TDRD3: variants seen among roughly 807,000 people sequenced by gnomAD.
TDRD3 encodes the protein tudor domain-containing protein 3.
In TDRD3, 45 loss-of-function variants were observed where a neutral mutation model predicts 86.7. That is an observed-to-expected ratio of 0.52 (90% confidence interval 0.41 to 0.67). TDRD3 has a LOEUF of 0.67. TDRD3 is among the 30% of genes least tolerant of loss of function. The probability of loss-of-function intolerance (pLI) is 0.00; values close to 1 mark genes in which losing one functional copy is unlikely to be tolerated. For missense variants in TDRD3, 814 were observed against 889.0 expected (o/e 0.92, Z 1.07); for synonymous variants, 298 against 301.7 (o/e 0.99, Z 0.13).
At chr13:60,573,547 A>G (rs1671031744) in intron 13 of TDRD3, 69 bp from the exon 14 acceptor site, 1 of 918,874 alleles carries the variant, frequency 1.1e-6, no homozygotes, top group Non-Finnish European at 1.3e-6. Context: ...GCAGAAATGT[A>G]TCTTGACAAA....
intron 2 of TDRD3, among the ~76,000 whole-genome samples, chr13:60,443,118 AAG>A (rs749289501): frequency 1.6e-4 from 25 of 152,018 alleles, no homozygotes; most frequent in Non-Finnish European, 2.5e-4. Flanking sequence ...TGATTAAAAA[AAG>A]TACATGTTTT....
intron 12 of TDRD3, among the ~76,000 whole-genome samples, chr13:60,539,015 C>G (rs1957756493): frequency 6.6e-6 from 1 of 152,122 alleles, no homozygotes; most frequent in African/African-American, 2.4e-5. Flanking sequence ...CATTGTTCAG[C>G]TATTATTTCA....
chr13:60,513,237 G>A (rs1324179189), intron 10 of TDRD3, among the ~76,000 whole-genome samples: 1 of 152,142 alleles, frequency 6.6e-6, no homozygotes, highest in Non-Finnish European at 1.5e-5. Flanking sequence ...TGGGATGCAG[G>A]GCACCAAGTC....
At chr13:60,424,726 C>T (rs1384859989) in intron 1 of TDRD3, among the ~76,000 whole-genome samples, 1 of 152,152 alleles carries the variant, frequency 6.6e-6, no homozygotes, top group African/African-American at 2.4e-5. Flanking sequence ...TTCGTATATT[C>T]ACAGAGATTT....
chr13:60,535,915 G>T (rs1957689404), intron 12 of TDRD3: 1 of 152,098 alleles, frequency 6.6e-6, no homozygotes, highest in Non-Finnish European at 1.5e-5. Context: ...AGACATATTA[G>T]AATTAGCTCT....
chr13:60,553,868 C>G (rs1355472543), intron 12 of TDRD3, among the ~76,000 whole-genome samples: 1 of 152,030 alleles, frequency 6.6e-6, no homozygotes, highest in East Asian at 1.9e-4. Flanking sequence ...CACAATGTTA[C>G]TAATATAATG....
chr13:60,481,349 G>GTTT (rs796837758), intron 5 of TDRD3, among the ~76,000 whole-genome samples: 20 of 137,360 alleles, frequency 1.5e-4, no homozygotes, highest in South Asian at 2.2e-4. Flanking sequence ...CCCTCTTTGT[G>GTTT]TTTTTTTTTT....
At chr13:60,465,787 A>C (rs1262803147) in intron 4 of TDRD3, among the ~76,000 whole-genome samples, 3 of 152,166 alleles carry the variant, frequency 2.0e-5, no homozygotes, top group African/African-American at 7.2e-5. Context: ...ATGAGGTTTT[A>C]AGATGTGAAC....
At chr13:60,452,170 G>GTA (rs1386935572) in intron 3 of TDRD3, among the ~76,000 whole-genome samples, 1 of 152,040 alleles carries the variant, frequency 6.6e-6, no homozygotes, top group Non-Finnish European at 1.5e-5. Context: ...ACAACCCTGG[G>GTA]TATATCTCTT....
intron 1 of TDRD3, among the ~76,000 whole-genome samples, chr13:60,427,532 A>T (rs773344732): frequency 3.9e-5 from 6 of 152,096 alleles, no homozygotes; most frequent in Non-Finnish European, 8.8e-5. Flanking sequence ...TTTGGAGGTC[A>T]GTCAGGTGTA....
intron 12 of TDRD3, among the ~76,000 whole-genome samples, chr13:60,553,726 C>T (rs1595110893): frequency 6.6e-6 from 1 of 152,030 alleles, no homozygotes; most frequent in Non-Finnish European, 1.5e-5. Context: ...TGAGAACTCA[C>T]TCACTATCAC....
intron 1 of TDRD3, among the ~76,000 whole-genome samples, chr13:60,399,803 T>C (rs1206450776): frequency 6.6e-6 from 1 of 152,232 alleles, no homozygotes; most frequent in African/African-American, 2.4e-5. Flanking sequence ...TCACCTAAAA[T>C]AGCAGATTAG....
chr13:60,572,419 T>A lies in TDRD3; in HGVS notation c.*10-1197T>A, dbSNP rs1958607292. Among the ~76,000 whole-genome samples, 3 of 152,200 alleles carry A rather than the reference T, an allele frequency of 2.0e-5. No individual in the cohort carries two copies. The South Asian group carries it at 6.2e-4, about 31-fold the overall frequency. On this transcript the variant is annotated intron_variant, in intron 13 of 13. Coordinates refer to ENST00000377881, the MANE Select transcript of TDRD3 (RefSeq NM_001146070.2). ...AATTAAGCTTAGGAAATATTGCAGC[T>A]GGATGTAGGATGGATTATAGCACCA...
At chr13:60,398,940 G>A (rs563617006) in intron 1 of TDRD3, among the ~76,000 whole-genome samples, 1 of 152,078 alleles carries the variant, frequency 6.6e-6, no homozygotes, top group Admixed American at 6.5e-5. Context: ...TTCTCATTAG[G>A]TTGAGCGTTG....
chr13:60,544,480 G>GA, intron 12 of TDRD3, among the ~76,000 whole-genome samples: 1 of 149,258 alleles, frequency 6.7e-6, no homozygotes, highest in East Asian at 2.0e-4. Context: ...AAAAAGAAAA[G>GA]AAAAAATTGT....
chr13:60,467,638 T>G (rs920981055), intron 5 of TDRD3, among the ~76,000 whole-genome samples: 12 of 152,240 alleles, frequency 7.9e-5, no homozygotes, highest in Non-Finnish European at 1.5e-4. Flanking sequence ...AAGATACCAG[T>G]TATAAGCTAT....
chr13:60,519,429 C>T (rs1036951667), intron 10 of TDRD3, among the ~76,000 whole-genome samples: 9 of 152,054 alleles, frequency 5.9e-5, no homozygotes, highest in Admixed American at 3.9e-4. Context: ...TCTAGTGCCT[C>T]GTATATAAAT....
chr13:60,489,281 T>C (rs1374347392), intron 7 of TDRD3, among the ~76,000 whole-genome samples: 1 of 152,264 alleles, frequency 6.6e-6, no homozygotes, highest in African/African-American at 2.4e-5. Flanking sequence ...TTTTAGGTCA[T>C]AAATTAGTTG....
At chr13:60,527,068 C>A (rs2137768256) in intron 10 of TDRD3, among the ~76,000 whole-genome samples, 1 of 152,292 alleles carries the variant, frequency 6.6e-6, no homozygotes, top group Non-Finnish European at 1.5e-5. Context: ...CTCCTGGCCT[C>A]AAGCAATACA....
Sources: gnomAD v4.1 joint callset for allele counts (sites outside exome capture counted in the v4.1 genomes callset) on GRCh38, gnomAD v4.1.1 for gene constraint, MANE v1.5 for transcripts, NCBI Gene and HGNC (gene_info 2026-07-23, HGNC 2026-07-21) for gene names.